Variants in NOVA1 observed in about 807,000 individuals in gnomAD.
NOVA1 encodes the protein NOVA alternative splicing regulator 1.
In NOVA1, 7 loss-of-function variants were observed where a neutral mutation model predicts 38.0. The ratio of observed to expected loss-of-function variants is 0.18; its 90% CI spans 0.10 to 0.35. NOVA1 has a LOEUF of 0.35. Ranked by LOEUF, NOVA1 falls within the 10% of genes least tolerant of loss-of-function variation. The pLI is 1.00. For missense variants in NOVA1, 460 were observed against 616.0 expected (o/e 0.75, Z 2.68); for synonymous variants, 270 against 232.5 (o/e 1.16, Z -1.47).
chr14:26,495,336 T>C (rs771335287), intron 2 of NOVA1, among the ~76,000 whole-genome samples: 2 of 152,216 alleles, frequency 1.3e-5, no homozygotes, highest in Admixed American at 6.5e-5. Context: ...ATTGTTTGCC[T>C]CTCTCTGGTG....
chr14:26,597,587 G>C lies in NOVA1; in HGVS notation c.-151C>G. 1 of 1,197,264 alleles carries C rather than the reference G, an allele frequency of 8.4e-7. No individual in the cohort carries two copies. The highest frequency in any genetic ancestry group is 1.0e-6 in the Non-Finnish European group (1 of 976,768). The allele number at this position is 1,197,264 out of a possible 1,614,324, so 74.2% of individuals were successfully genotyped here. A position where few individuals can be genotyped will look rare whatever the true frequency, so the allele number is the denominator to read the frequency against. On this transcript the variant is annotated 5_prime_UTR_variant, in exon 1 of 5. Transcript: ENST00000539517. ...AATCGGATCAATATAAATCTCTTTA[G>C]GAAAAAAAGCAATGTTGCTGGTTTG...
intron 2 of NOVA1, among the ~76,000 whole-genome samples, chr14:26,571,825 A>G (rs1295078950): frequency 6.6e-6 from 1 of 152,214 alleles, no homozygotes; most frequent in African/African-American, 2.4e-5. Context: ...TAGTTAAGTA[A>G]AAAGAAAGTT....
At chr14:26,484,442 A>C (rs1371517544) in intron 2 of NOVA1, among the ~76,000 whole-genome samples, 3 of 150,076 alleles carry the variant, frequency 2.0e-5, no homozygotes, top group East Asian at 1.9e-4. Flanking sequence ...AAAAAAAAAA[A>C]AAAAAAAAAA....
intron 2 of NOVA1, chr14:26,549,868 A>G: frequency 1.3e-5 from 6 of 471,660 alleles, no homozygotes; most frequent in Non-Finnish European, 2.3e-5. Context: ...ACTCCTGTAC[A>G]TACATACAGG....
At position 26,589,669 on chromosome 14, in the gene NOVA1, T is replaced by TTA. The variant is rs376810979; in HGVS notation, c.280+5740_280+5741insTA. 2.7e-3 allele frequency among the ~76,000 whole-genome samples: 411 copies of TTA among 151,902 alleles called. 3 individuals carry two copies. Among genetic ancestry groups the TTA allele is most frequent in the African/African-American group, 9.2e-3 (383 of 41,508 alleles). ...AAGAACTACCAAGTACTTCCACTTATTTCCACTCACTCATGTTTTACATAT... is the reference window on the plus strand; with the variant it reads ...AAGAACTACCAAGTACTTCCACTTATTATTCCACTCACTCATGTTTTACATAT... On this transcript the variant is annotated intron_variant, in intron 2 of 4. Transcript: ENST00000539517.
intron 4 of NOVA1, among the ~76,000 whole-genome samples, chr14:26,449,969 C>T (rs1294598339): frequency 6.6e-6 from 1 of 151,974 alleles, no homozygotes; most frequent in East Asian, 1.9e-4. Context: ...TCTATCATCC[C>T]TAAAATTAAA....
At chr14:26,493,381 T>C (rs1008525511) in intron 2 of NOVA1, among the ~76,000 whole-genome samples, 5 of 152,206 alleles carry the variant, frequency 3.3e-5, no homozygotes, top group African/African-American at 1.2e-4. Flanking sequence ...TTCCATAATG[T>C]ATTTCTGTTA....
intron 2 of NOVA1, among the ~76,000 whole-genome samples, chr14:26,580,385 C>T (rs1893136216): frequency 6.6e-6 from 1 of 151,900 alleles, no homozygotes; most frequent in Admixed American, 6.6e-5. Flanking sequence ...ACAAATAAAT[C>T]CATATGTTTC....
chr14:26,597,341 G>T lies in NOVA1; in HGVS notation c.96C>A (p.Ala32=), dbSNP rs1594605461. 23 of 1,263,348 alleles carry T rather than the reference G, an allele frequency of 1.8e-5. No individual in the cohort carries two copies. The highest frequency in any genetic ancestry group is 7.6e-5 in the African/African-American group (5 of 65,650). The allele number at this position is 1,263,348 out of a possible 1,614,324, so 78.3% of individuals were successfully genotyped here. ...PPDSRKRPLE[A]PPEAGSTKRT... ...TCTTGGTGCTGCCGGCTTCAGGGGG[G>T]GCTTCCAGCGGCCTTTTCCGCGAGT... Residue 32 remains alanine, a synonymous_variant, in exon 1 of 5, where the codon GCC becomes GCA. Coordinates refer to ENST00000539517, the MANE Select transcript of NOVA1 (RefSeq NM_002515.3).
chr14:26,503,497 A>C (rs914193419), intron 2 of NOVA1, among the ~76,000 whole-genome samples: 1 of 152,116 alleles, frequency 6.6e-6, no homozygotes, highest in Non-Finnish European at 1.5e-5. Context: ...TAATTATAAA[A>C]GTTTGGGATG....
chr14:26,448,391 G>C lies in NOVA1; in HGVS notation c.1092C>G (p.Thr364=). The C allele has an allele frequency of 6.2e-7, 1 of 1,613,372 alleles. No individual in the cohort carries two copies. Among genetic ancestry groups the C allele is most frequent in the Non-Finnish European group, 8.5e-7 (1 of 1,179,910 alleles). ...PAAAAANLLA[T]YASEASASGS... ...CACTGGCTGAGGCTTCACTGGCATA[G>C]GTGGCCAATAAATTGGCTGCTGCTG... Residue 364 remains threonine, a synonymous_variant, in exon 5 of 5, where the codon ACC becomes ACG. Coordinates refer to ENST00000539517, the MANE Select transcript of NOVA1 (RefSeq NM_002515.3). This position sits in a 1 kb window ranked among gnomAD's most constrained non-coding sequence, Gnocchi z 5.3.
At chr14:26,504,661 T>A (rs1413252899) in intron 2 of NOVA1, among the ~76,000 whole-genome samples, 1 of 152,152 alleles carries the variant, frequency 6.6e-6, no homozygotes, top group Non-Finnish European at 1.5e-5. Flanking sequence ...TTCACTTCCC[T>A]TCAGGTCAGT....
chr14:26,585,258 A>G (rs186545459), intron 2 of NOVA1, among the ~76,000 whole-genome samples: 31 of 151,472 alleles, frequency 2.0e-4, no homozygotes, highest in African/African-American at 7.2e-4. Flanking sequence ...TATCTTCCCT[A>G]AAATTTTAAT....
At chr14:26,514,397 G>A (rs1888312972) in intron 2 of NOVA1, among the ~76,000 whole-genome samples, 1 of 151,656 alleles carries the variant, frequency 6.6e-6, no homozygotes, top group Admixed American at 6.6e-5. Flanking sequence ...ATATTAATAT[G>A]AATGTTAATA....
At chr14:26,487,231 TTCAAAGG>T (rs1188420307) in intron 2 of NOVA1, among the ~76,000 whole-genome samples, 36 of 152,164 alleles carry the variant, frequency 2.4e-4, no homozygotes, top group Admixed American at 2.1e-3. Context: ...AATGAAGCAA[TTCAAAGG>T]TCTTCTCTGA....
At chr14:26,521,487 T>G (rs1400238611) in intron 2 of NOVA1, among the ~76,000 whole-genome samples, 1 of 152,136 alleles carries the variant, frequency 6.6e-6, no homozygotes, top group Non-Finnish European at 1.5e-5. Flanking sequence ...CATTAGGTTT[T>G]GTTTGTTTTT....
At chr14:26,566,034 T>C (rs1892117756) in intron 2 of NOVA1, among the ~76,000 whole-genome samples, 1 of 152,148 alleles carries the variant, frequency 6.6e-6, no homozygotes, top group Admixed American at 6.5e-5. Flanking sequence ...AAATATAATT[T>C]GGATACTAAA....
intron 3 of NOVA1, 114 bp downstream of exon 3, chr14:26,479,863 T>C: frequency 9.3e-7 from 1 of 1,072,010 alleles, no homozygotes. Flanking sequence ...AACTCTGGTA[T>C]GTTTTATGTG....
intron 2 of NOVA1, chr14:26,519,412 A>G (rs1239815849): frequency 6.6e-6 from 1 of 152,308 alleles, no homozygotes. Flanking sequence ...TAGAGAATCA[A>G]CAGCACAAAC....
Sources: gnomAD v4.1 joint callset for allele counts (sites outside exome capture counted in the v4.1 genomes callset) on GRCh38, gnomAD v4.1.1 for gene constraint, Gnocchi (gnomAD v3.1) non-coding constraint, MANE v1.5 for transcripts, NCBI Gene and HGNC (gene_info 2026-07-23, HGNC 2026-07-21) for gene names.